BICC1: variants seen among roughly 807,000 people sequenced by gnomAD.
BICC1 encodes the protein BicC family RNA binding protein 1.
Under a neutral mutation model 111.0 loss-of-function variants are expected in BICC1, and 43 were observed. The ratio of observed to expected loss-of-function variants is 0.39; its 90% confidence interval spans 0.30 to 0.50. The LOEUF (loss-of-function observed/expected upper bound fraction) is 0.50, where lower values mean the gene tolerates loss of function less well. Ranked by LOEUF, BICC1 falls within the 20% of genes least tolerant of loss-of-function variation. The pLI is 0.88. For missense variants in BICC1, 1,091 were observed against 1,203.2 expected (o/e 0.91, Z 1.38); for synonymous variants, 467 against 434.4 (o/e 1.07, Z -0.93).
In BICC1 at chr10:58,800,371, G is replaced by A. The variant is rs562718211; in HGVS notation, c.1858+45G>A. ...TGAAATTCATTTTGGTTGTTATTTG[G>A]AAAAAGGAGGTTGTAGAGAGTCTAT... On this transcript the variant is annotated intron_variant, in intron 13 of 20. Coordinates refer to ENST00000373886, the MANE Select transcript of BICC1 (RefSeq NM_001080512.3). The A allele has an allele frequency of 2.5e-6, 4 of 1,590,244 alleles. No individual in the cohort carries two copies. The South Asian group carries it at 3.4e-5, about 14-fold the overall frequency.
intron 1 of BICC1, among the ~76,000 whole-genome samples, chr10:58,599,027 A>G (rs1844933231): frequency 6.6e-6 from 1 of 152,046 alleles, no homozygotes; most frequent in African/African-American, 2.4e-5. Flanking sequence ...GGATGTGGAG[A>G]AATAACCCTT....
intron 1 of BICC1, among the ~76,000 whole-genome samples, chr10:58,595,846 C>A (rs1205826569): frequency 6.6e-6 from 1 of 151,928 alleles, no homozygotes; most frequent in African/African-American, 2.4e-5. Context: ...TAGCAGAAGA[C>A]AAGAAATAAC....
At chr10:58,808,743 C>T (rs1175326476) in intron 17 of BICC1, among the ~76,000 whole-genome samples, 1 of 147,228 alleles carries the variant, frequency 6.8e-6, no homozygotes, top group Admixed American at 6.8e-5. Context: ...GACGTGGAGT[C>T]TCACTCAACC....
chr10:58,752,550 C>G, intron 3 of BICC1, among the ~76,000 whole-genome samples: 1 of 152,156 alleles, frequency 6.6e-6, no homozygotes, highest in South Asian at 2.1e-4. Context: ...CTTTATCCTA[C>G]TTGGCTGCTA....
rs1589139718 is a variant in BICC1 at position 58,789,613 on chromosome 10, A to G, written c.796-69A>G. 2.5e-6 allele frequency: 4 copies of G among 1,570,888 alleles called. No individual in the cohort carries two copies. In the East Asian group the frequency reaches 9.0e-5, roughly 35 times the overall value. ...ATTTTTCCATAGCTGTTAGAAATGC[A>G]ATAGAATCTTTCCCCGTATATGAAC... On this transcript the variant is annotated intron_variant, in intron 7 of 20. Coordinates refer to ENST00000373886, the MANE Select transcript of BICC1 (RefSeq NM_001080512.3).
chr10:58,737,037 T>C (rs923124217), intron 3 of BICC1, among the ~76,000 whole-genome samples: 6 of 152,148 alleles, frequency 3.9e-5, no homozygotes, highest in African/African-American at 1.2e-4. Context: ...TATGTCAACA[T>C]TTGAAAAAAA....
chr10:58,741,379 A>G (rs573872116), intron 3 of BICC1, among the ~76,000 whole-genome samples: 26 of 152,144 alleles, frequency 1.7e-4, no homozygotes, highest in Non-Finnish European at 3.5e-4. Context: ...TTTGTGACTG[A>G]TTTTTTCGGG....
At chr10:58,716,234 A>G (rs1282013542) in intron 3 of BICC1, 42 of 1,497,530 alleles carry the variant, frequency 2.8e-5, no homozygotes, top group African/African-American at 4.2e-5. Flanking sequence ...AATAAGAAGC[A>G]TAAGAAACAC....
At chr10:58,687,990 C>T (rs747941681) in intron 2 of BICC1, among the ~76,000 whole-genome samples, 20 of 152,060 alleles carry the variant, frequency 1.3e-4, no homozygotes, top group Non-Finnish European at 2.4e-4. Context: ...GGAACCTCCC[C>T]CGAGTGTTAC....
chr10:58,672,663 A>G (rs1839219000), intron 2 of BICC1, among the ~76,000 whole-genome samples: 1 of 152,182 alleles, frequency 6.6e-6, no homozygotes. Context: ...AGCAGGGACC[A>G]AGGCTGTCTT....
intron 17 of BICC1, among the ~76,000 whole-genome samples, chr10:58,809,130 C>T (rs1843814058): frequency 5.9e-5 from 9 of 152,106 alleles, no homozygotes; most frequent in Non-Finnish European, 1.5e-5. Flanking sequence ...TCAAGCATTT[C>T]TCTTGCCTCA....
At chr10:58,728,685 C>T (rs1008901786) in intron 3 of BICC1, among the ~76,000 whole-genome samples, 2 of 146,892 alleles carry the variant, frequency 1.4e-5, no homozygotes, top group Non-Finnish European at 1.5e-5. Flanking sequence ...CAGCTATAGT[C>T]TTACAAAATG....
intron 3 of BICC1, among the ~76,000 whole-genome samples, chr10:58,754,097 CTG>C (rs1175441850): frequency 1.3e-5 from 2 of 152,128 alleles, no homozygotes; most frequent in African/African-American, 2.4e-5. Flanking sequence ...TTTCTAAAAA[CTG>C]TATGTTTTTG....
chr10:58,787,929 G>A (rs370856432), intron 5 of BICC1, among the ~76,000 whole-genome samples: 12 of 152,272 alleles, frequency 7.9e-5, no homozygotes, highest in South Asian at 6.2e-4. Context: ...AAGTAAGCTC[G>A]AGGTAGATGT....
At chr10:58,798,374 G>A in intron 10 of BICC1, 25 bp from the exon 11 acceptor site, 1 of 1,516,872 alleles carries the variant, frequency 6.6e-7, no homozygotes, top group Non-Finnish European at 8.8e-7. Context: ...TATGTGAATT[G>A]ACTTTATATA....
intron 2 of BICC1, among the ~76,000 whole-genome samples, chr10:58,647,567 A>C (rs1838306808): frequency 6.6e-6 from 1 of 152,070 alleles, no homozygotes; most frequent in African/African-American, 2.4e-5. Context: ...TTTTTTCCCC[A>C]AGGTGATTTT....
chr10:58,592,800 C>T (rs1327147926), intron 1 of BICC1, among the ~76,000 whole-genome samples: 1 of 147,302 alleles, frequency 6.8e-6, no homozygotes, highest in Non-Finnish European at 1.5e-5. Flanking sequence ...TTGCTTGAAC[C>T]CGGGAGGTGG....
intron 15 of BICC1, 50 bp from the exon 16 acceptor site, chr10:58,806,534 A>G: frequency 2.0e-6 from 3 of 1,528,294 alleles, no homozygotes; most frequent in Non-Finnish European, 2.7e-6. Flanking sequence ...GAGTGTTGGC[A>G]TGACATTTGG....
chr10:58,804,004 A>T (rs1392838030), intron 15 of BICC1, among the ~76,000 whole-genome samples: 1 of 152,214 alleles, frequency 6.6e-6, no homozygotes, highest in African/African-American at 2.4e-5. Context: ...AAGAGGAAGA[A>T]CGTTCCACAA....
Sources: allele counts gnomAD v4.1 joint callset (sites outside exome capture counted in the v4.1 genomes callset), GRCh38; gene constraint gnomAD v4.1.1; transcripts MANE v1.5; gene names NCBI Gene and HGNC (gene_info 2026-07-23, HGNC 2026-07-21).